The following TOGARAM1 variants were observed in gnomAD, a reference collection of about 807,000 sequenced individuals.
The protein encoded by TOGARAM1 is TOG array regulator of axonemal microtubules protein 1.
A neutral mutation model predicts 166.6 loss-of-function variants in TOGARAM1; 100 were observed. The observed-to-expected ratio is 0.60, with a 90% CI of 0.51 to 0.71. The LOEUF (loss-of-function observed/expected upper bound fraction) is 0.71. Ranked by LOEUF, TOGARAM1 falls within the 30% of genes least tolerant of loss-of-function variation. The pLI is 0.00. For synonymous variants in TOGARAM1, 758 were observed against 763.8 expected, an observed-to-expected ratio of 0.99 and a Z score of 0.13; for missense variants, 2,029 against 2,102.7, an observed-to-expected ratio of 0.96 and a Z score of 0.69.
intron 16 of TOGARAM1, among the ~76,000 whole-genome samples, chr14:45,063,479 G>GTTTTTTTTT (rs373702236): frequency 1.3e-4 from 16 of 118,688 alleles, no homozygotes; most frequent in African/African-American, 4.7e-4. Flanking sequence ...ATTTGACAAA[G>GTTTTTTTTT]TTTTTTTTTT....
intron 3 of TOGARAM1, among the ~76,000 whole-genome samples, chr14:45,003,396 A>G (rs1176329718): frequency 6.6e-6 from 1 of 152,112 alleles, no homozygotes; most frequent in African/African-American, 2.4e-5. Flanking sequence ...GGCAAGGAAG[A>G]AGTAATAAAG....
chr14:44,976,059 T>G (rs1886171514), intron 1 of TOGARAM1, among the ~76,000 whole-genome samples: 1 of 152,126 alleles, frequency 6.6e-6, no homozygotes, highest in Non-Finnish European at 1.5e-5. Flanking sequence ...GATTTCAGAA[T>G]TGGTCTTTCT....
intron 1 of TOGARAM1, among the ~76,000 whole-genome samples, chr14:44,965,198 G>A (rs918322603): frequency 2.0e-5 from 3 of 152,022 alleles, no homozygotes; most frequent in Non-Finnish European, 4.4e-5. Flanking sequence ...AAATATCTCG[G>A]CATATATCTC....
chr14:45,008,205 A>G (rs575799251), intron 5 of TOGARAM1: 1 of 149,850 alleles, frequency 6.7e-6, no homozygotes, highest in East Asian at 1.9e-4. Context: ...TAGTCTTAAT[A>G]TATTTTGCCA....
At chr14:44,970,062 T>A (rs1489711603) in intron 1 of TOGARAM1, among the ~76,000 whole-genome samples, 4 of 152,210 alleles carry the variant, frequency 2.6e-5, no homozygotes, top group Non-Finnish European at 2.9e-5. Flanking sequence ...ATCAGTTTGT[T>A]GATGTCCAAA....
intron 1 of TOGARAM1, among the ~76,000 whole-genome samples, chr14:44,966,942 T>C (rs1885582981): frequency 6.6e-6 from 1 of 150,828 alleles, no homozygotes; most frequent in African/African-American, 2.5e-5. Context: ...TGCTCAAGAG[T>C]GAGACCCAGA....
chr14:45,009,201 G>T, intron 6 of TOGARAM1, 56 bp downstream of exon 6: 2 of 1,250,080 alleles, frequency 1.6e-6, no homozygotes, highest in Non-Finnish European at 1.1e-6. Context: ...GTGATTTAGA[G>T]CCCTAATATC....
intron 7 of TOGARAM1, among the ~76,000 whole-genome samples, chr14:45,019,519 C>T (rs1334603081): frequency 1.3e-5 from 2 of 151,994 alleles, no homozygotes; most frequent in Non-Finnish European, 2.9e-5. Context: ...GAAAATAGAG[C>T]TCCCATACAA....
At chr14:45,045,055 C>T (rs1455938729) in intron 13 of TOGARAM1, among the ~76,000 whole-genome samples, 185 bp downstream of exon 13, 1 of 152,124 alleles carries the variant, frequency 6.6e-6, no homozygotes, top group Non-Finnish European at 1.5e-5. Context: ...TATTATTTTT[C>T]TCATAGAATA....
chr14:44,995,176 G>T (rs976652021), intron 1 of TOGARAM1, among the ~76,000 whole-genome samples: 5 of 152,076 alleles, frequency 3.3e-5, no homozygotes, highest in Non-Finnish European at 5.9e-5. Flanking sequence ...GAAAGGACTT[G>T]GAAACTATGA....
intron 14 of TOGARAM1, 45 bp from the exon 15 acceptor site, chr14:45,052,391 A>C: frequency 6.4e-7 from 1 of 1,569,782 alleles, no homozygotes; most frequent in Non-Finnish European, 8.7e-7. Flanking sequence ...AACTGAGCTT[A>C]TTAATGTCTA....
At chr14:44,965,146 C>G (rs1251645965) in intron 1 of TOGARAM1, among the ~76,000 whole-genome samples, 1 of 152,018 alleles carries the variant, frequency 6.6e-6, no homozygotes, top group African/African-American at 2.4e-5. Context: ...ATTTGCTGAA[C>G]CATTTGAAAG....
chr14:45,019,928 G>C (rs1164094139), intron 7 of TOGARAM1, among the ~76,000 whole-genome samples: 1 of 152,152 alleles, frequency 6.6e-6, no homozygotes, highest in Non-Finnish European at 1.5e-5. Context: ...GATTTCCTCG[G>C]GAGGGGTGAC....
At position 44,992,611 on chromosome 14, in the gene TOGARAM1, C is replaced by CTTT. The variant is rs376434047; in HGVS notation, c.2047-3112_2047-3110dup. On this transcript the variant is annotated intron_variant, in intron 1 of 19. Transcript: ENST00000361462. ...TTAAACAAGAGTAAATTTTTGTAAT[C>CTTT]TTTTTTTTTTTTTTTTTTTTTTTTT... Among the ~76,000 whole-genome samples the CTTT allele has an allele frequency of 3.1e-3, 281 of 91,286 alleles. 1 individual carries two copies. Among genetic ancestry groups the CTTT allele is most frequent in the Middle Eastern group, 9.4e-3 (1 of 106 alleles). 59.9% of individuals were successfully genotyped at this position (91,286 alleles called of 152,430 possible). A position where few individuals can be genotyped will look rare whatever the true frequency, so the allele number is the denominator to read the frequency against.
chr14:45,009,924 G>A (rs568263455), intron 6 of TOGARAM1, among the ~76,000 whole-genome samples: 9 of 152,222 alleles, frequency 5.9e-5, no homozygotes, highest in Non-Finnish European at 1.3e-4. Context: ...AACTTTTTAA[G>A]TAACTGCTAA....
intron 18 of TOGARAM1, 48 bp downstream of exon 18, chr14:45,068,691 T>G: frequency 7.1e-7 from 1 of 1,410,378 alleles, no homozygotes; most frequent in Non-Finnish European, 9.7e-7. Context: ...TTTCTTTTCA[T>G]GTTTTCTGAT....
At position 45,002,842 on chromosome 14, in the gene TOGARAM1, G is replaced by C. The variant is rs373858619; in HGVS notation, c.2339-1219G>C. On this transcript the variant is annotated intron_variant, in intron 3 of 19. Coordinates refer to ENST00000361462, the MANE Select transcript of TOGARAM1 (RefSeq NM_001308120.2). ...AATTACAAAAAAACTAGCCGGACAT[G>C]GTGGCGGGCACCTATCATCCCAGCT... 2.0e-3 allele frequency among the ~76,000 whole-genome samples: 303 copies of C among 152,236 alleles called. 2 individuals are homozygous for C. Among genetic ancestry groups the C allele is most frequent in the African/African-American group, 6.4e-3 (265 of 41,540 alleles).
At chr14:45,013,623 TA>T (rs1879941584) in intron 7 of TOGARAM1, among the ~76,000 whole-genome samples, 1 of 152,196 alleles carries the variant, frequency 6.6e-6, no homozygotes. Flanking sequence ...TCTGACAACA[TA>T]AACCTTGAGA....
At chr14:44,967,444 T>A (rs1885620239) in intron 1 of TOGARAM1, among the ~76,000 whole-genome samples, 1 of 152,226 alleles carries the variant, frequency 6.6e-6, no homozygotes, top group South Asian at 2.1e-4. Flanking sequence ...GTTCTTTTTG[T>A]ATTTAGAATT....
Sources: allele counts gnomAD v4.1 joint callset (sites outside exome capture counted in the v4.1 genomes callset), GRCh38; gene constraint gnomAD v4.1.1; transcripts MANE v1.5; gene names NCBI Gene and HGNC (gene_info 2026-07-23, HGNC 2026-07-21).